The following SH3GL3 variants were observed in gnomAD, a reference collection of about 807,000 sequenced individuals.
The protein encoded by SH3GL3 is endophilin-A3.
SH3GL3 carries 33 observed loss-of-function variants against 47.7 expected under a neutral mutation model. The ratio of observed to expected loss-of-function variants is 0.69; its 90% CI spans 0.52 to 0.92. SH3GL3 has a LOEUF of 0.92. Ranked by LOEUF, SH3GL3 falls within the 40% of genes least tolerant of loss-of-function variation. The probability of loss-of-function intolerance (pLI) is 0.00; values close to 1 mark genes in which losing one functional copy is unlikely to be tolerated. For missense variants in SH3GL3, 363 were observed against 417.8 expected (o/e 0.87, Z 1.14); for synonymous variants, 155 against 148.8 (o/e 1.04, Z -0.30).
intron 1 of SH3GL3, among the ~76,000 whole-genome samples, chr15:83,521,242 T>G (rs1054938934): frequency 2.0e-5 from 3 of 152,212 alleles, no homozygotes; most frequent in Non-Finnish European, 2.9e-5. Context: ...GAGATTTTCT[T>G]TCATTAGCCA....
At chr15:83,509,541 A>G (rs1414777502) in intron 1 of SH3GL3, among the ~76,000 whole-genome samples, 1 of 152,196 alleles carries the variant, frequency 6.6e-6, no homozygotes, top group East Asian at 1.9e-4. Context: ...TTAAGACTTC[A>G]TATGTCAAAT....
chr15:83,616,487 C>T (rs2060822231), intron 8 of SH3GL3, among the ~76,000 whole-genome samples: 1 of 152,028 alleles, frequency 6.6e-6, no homozygotes, highest in Non-Finnish European at 1.5e-5. Context: ...CGTGATCCGC[C>T]CGCCTCAGCC....
At position 83,605,266 on chromosome 15, in the gene SH3GL3, G is replaced by A. The variant is rs574909146; in HGVS notation, c.839-12816G>A. 8.5e-5 allele frequency among the ~76,000 whole-genome samples: 13 copies of A among 152,250 alleles called. No homozygotes were observed. In the South Asian group the frequency reaches 1.2e-3, roughly 15 times the overall value. ...CCCTCGGTAGTAGCTTCAAGTTCCC[G>A]TCTCACACACCCAGCATTGGGCTTC... On this transcript the variant is annotated intron_variant, in intron 8 of 8. Coordinates refer to ENST00000427482, the MANE Select transcript of SH3GL3 (RefSeq NM_003027.5).
At chr15:83,560,064 T>G (rs2045184569) in intron 2 of SH3GL3, among the ~76,000 whole-genome samples, 1 of 152,196 alleles carries the variant, frequency 6.6e-6, no homozygotes, top group African/African-American at 2.4e-5. Flanking sequence ...AACATACTGT[T>G]TCTTTGCTCA....
chr15:83,448,777 T>C lies in SH3GL3; in HGVS notation c.45+1199T>C, dbSNP rs1595988867. On this transcript the variant is annotated intron_variant, in intron 1 of 8. Transcript: ENST00000427482. The surrounding 1 kb of genome is among the most constrained non-coding windows in gnomAD (Gnocchi z 4.2). ...AGTTCCAGGCTGAAAGGCACTGCTG[T>C]CCCCTCACTCACACTCTTTCCATAT... Among the ~76,000 whole-genome samples, 1 of 152,076 alleles carries C rather than the reference T, an allele frequency of 6.6e-6. No individual in the cohort carries two copies. The highest frequency in any genetic ancestry group is 1.9e-4 in the East Asian group (1 of 5,170).
intron 8 of SH3GL3, among the ~76,000 whole-genome samples, chr15:83,595,656 T>G (rs969159537): frequency 1.3e-5 from 2 of 150,668 alleles, no homozygotes. Flanking sequence ...CTTTAAGCTA[T>G]AAATTCAACG....
At chr15:83,513,662 T>C (rs1455210584) in intron 1 of SH3GL3, among the ~76,000 whole-genome samples, 1 of 152,188 alleles carries the variant, frequency 6.6e-6, no homozygotes, top group African/African-American at 2.4e-5. Flanking sequence ...TTGTGGTTGA[T>C]GCATCTGTCT....
intron 1 of SH3GL3, among the ~76,000 whole-genome samples, chr15:83,456,949 T>C (rs2040019334): frequency 1.3e-5 from 2 of 152,254 alleles, no homozygotes; most frequent in Admixed American, 6.5e-5. Flanking sequence ...TATAAATAAA[T>C]ACAAATAGCA....
At chr15:83,464,095 T>C (rs528392522) in intron 1 of SH3GL3, among the ~76,000 whole-genome samples, 1 of 152,274 alleles carries the variant, frequency 6.6e-6, no homozygotes, top group Non-Finnish European at 1.5e-5. Context: ...TCTCAACCTA[T>C]TCAAATTGGC....
At position 83,459,430 on chromosome 15, in the gene SH3GL3, TGAAAGATGGGTCTTG is replaced by T. The variant is rs1192626103; in HGVS notation, c.45+11858_45+11872del. Among the ~76,000 whole-genome samples the T allele has an allele frequency of 2.0e-5, 3 of 152,302 alleles. No homozygotes were observed. In the East Asian group the frequency reaches 5.8e-4, roughly 29 times the overall value. ...GTCTAAGCGAGTCATGGAGGGTTTA[TGAAAGATGGGTCTTG>T]GAAAGGGAGTTTTGTGTATAATTGG... On this transcript the variant is annotated intron_variant, in intron 1 of 8. Coordinates refer to ENST00000427482, the MANE Select transcript of SH3GL3 (RefSeq NM_003027.5).
intron 1 of SH3GL3, among the ~76,000 whole-genome samples, chr15:83,467,749 G>T (rs566730169): frequency 6.6e-6 from 1 of 152,118 alleles, no homozygotes; most frequent in Non-Finnish European, 1.5e-5. Flanking sequence ...TAGATCGTGT[G>T]CATGTTTTAT....
Position 83,587,007 on chromosome 15 carries a change from G to T in SH3GL3, c.649G>T (p.Val217Leu). 6.2e-7 allele frequency: 1 copy of T among 1,608,514 alleles called. No homozygotes were observed. Among genetic ancestry groups the T allele is most frequent in the Non-Finnish European group, 8.5e-7 (1 of 1,177,402 alleles). ...GGTAGAACAAGTCAGCCAGTTGGCTGTGTTCATAGAGGCAGCATTAGACTA... is the reference window on the plus strand; with the variant it reads ...GGTAGAACAAGTCAGCCAGTTGGCTTTGTTCATAGAGGCAGCATTAGACTA... ...NDVEQVSQLA[V>L]FIEAALDYHR... Residue 217 changes from valine to leucine, a missense_variant, in exon 7 of 9, where the codon GTG becomes TTG. Coordinates refer to ENST00000427482, the MANE Select transcript of SH3GL3 (RefSeq NM_003027.5).
chr15:83,547,149 C>G (rs1223720226), intron 1 of SH3GL3, among the ~76,000 whole-genome samples: 2 of 152,180 alleles, frequency 1.3e-5, no homozygotes, highest in Non-Finnish European at 2.9e-5. Flanking sequence ...TCCTTGTGGC[C>G]TAGACTGCCT....
intron 2 of SH3GL3, among the ~76,000 whole-genome samples, chr15:83,562,299 C>T (rs1037594385): frequency 3.3e-5 from 5 of 152,040 alleles, no homozygotes; most frequent in African/African-American, 1.2e-4. Context: ...AAGGTACCTG[C>T]AAGTTTTTGG....
chr15:83,562,030 A>AAC (rs55856428), intron 2 of SH3GL3, among the ~76,000 whole-genome samples: 9,319 of 132,630 alleles, frequency 0.07, 316 homozygotes, highest in East Asian at 0.096. Context: ...ACACACACAC[A>AAC]ACACACACAC....
chr15:83,517,653 T>C (rs531394438), intron 1 of SH3GL3, among the ~76,000 whole-genome samples: 13 of 152,322 alleles, frequency 8.5e-5, no homozygotes, highest in African/African-American at 2.2e-4. Context: ...TTCTTATTGA[T>C]TTGTAGAATA....
intron 3 of SH3GL3, chr15:83,566,023 C>T (rs1232998874): frequency 6.6e-6 from 1 of 152,158 alleles, no homozygotes; most frequent in African/African-American, 2.4e-5. Context: ...CCTCCCTGGC[C>T]ACATCAGTGA....
intron 2 of SH3GL3, among the ~76,000 whole-genome samples, chr15:83,562,030 A>AACACACAACAC (rs2045303831): frequency 7.5e-6 from 1 of 132,980 alleles, no homozygotes; most frequent in African/African-American, 2.7e-5. Context: ...ACACACACAC[A>AACACACAACAC]ACACACACAC....
At chr15:83,517,784 G>A (rs955209566) in intron 1 of SH3GL3, among the ~76,000 whole-genome samples, 4 of 152,058 alleles carry the variant, frequency 2.6e-5, no homozygotes, top group African/African-American at 9.7e-5. Flanking sequence ...GGGTACATGT[G>A]CAGGTTTTTT....
Sources: allele counts gnomAD v4.1 joint callset (sites outside exome capture counted in the v4.1 genomes callset), GRCh38; gene constraint gnomAD v4.1.1; non-coding constraint Gnocchi (gnomAD v3.1); transcripts MANE v1.5; gene names NCBI Gene and HGNC (gene_info 2026-07-23, HGNC 2026-07-21).